The following IFITM5 variants were observed in gnomAD, a reference collection of about 807,000 sequenced individuals.
IFITM5 encodes interferon-induced transmembrane protein 5.
Under a neutral mutation model 9.2 loss-of-function variants are expected in IFITM5, and 10 were observed. The observed-to-expected ratio is 1.09, with a 90% CI of 0.67 to 1.85. The LOEUF (loss-of-function observed/expected upper bound fraction) is 1.85. IFITM5 is among the 40% of genes most tolerant of loss of function. The pLI is 0.00. For synonymous variants in IFITM5, 93 were observed against 86.6 expected (o/e 1.07, Z -0.41); for missense variants, 225 against 182.6 (o/e 1.23, Z -1.34).
intron 1 of IFITM5, 71 bp downstream of exon 1, chr11:299,234 C>T: frequency 1.1e-6 from 1 of 945,904 alleles, no homozygotes. Context: ...AGCTCCCCAT[C>T]CCTCCCCCTT....
At chr11:298,754 C>T (rs756231523) in intron 1 of IFITM5, 41 bp from the exon 2 acceptor site, 12 of 1,575,224 alleles carry the variant, frequency 7.6e-6, no homozygotes, top group Middle Eastern at 1.7e-4. Flanking sequence ...CTCTATGTGT[C>T]CTCGGGGCCT....
Position 298,413 on chromosome 11 carries a change from AG to A in IFITM5, c.*87del. The A allele has an allele frequency of 1.4e-6, 2 of 1,405,090 alleles. No homozygotes were observed. The highest frequency in any genetic ancestry group is 1.9e-6 in the Non-Finnish European group (2 of 1,031,016). The allele number at this position is 1,405,090 out of a possible 1,614,324, so 87.0% of individuals were successfully genotyped here. A position where few individuals can be genotyped will look rare whatever the true frequency, so the allele number is the denominator to read the frequency against. On this transcript the variant is annotated 3_prime_UTR_variant, in exon 2 of 2. Coordinates refer to ENST00000382614, the MANE Select transcript of IFITM5 (RefSeq NM_001025295.3). Reference sequence around the variant, plus strand: ...ATGGAGGCCCCACAGAAGGAGGGCCAGGCTCCGGGGAGTCAGTATTGGGCCC... The same window carrying A: ...ATGGAGGCCCCACAGAAGGAGGGCCAGCTCCGGGGAGTCAGTATTGGGCCC...
rs1441356451 is a variant in IFITM5, at chr11:299,342, C to T, written c.149G>A (p.Cys50Tyr). Reference sequence around the variant, plus strand: ...GGCCAGCGCCAGGAAGCCGAGGCAACACAGATTCAGGTAGAGGGTGCTGAA... The same window carrying T: ...GGCCAGCGCCAGGAAGCCGAGGCAATACAGATTCAGGTAGAGGGTGCTGAA... Reference protein sequence around the residue: ...SVFSTLYLNLCCLGFLALAYS... With the variant: ...SVFSTLYLNLYCLGFLALAYS... The change falls in exon 1 of 2, where the codon TGT becomes TAT. Residue 50 changes from cysteine to tyrosine, a missense_variant. Physicochemically the swap from Cys to Tyr is radical, Grantham distance 194. Coordinates refer to ENST00000382614, the MANE Select transcript of IFITM5 (RefSeq NM_001025295.3). The T allele has an allele frequency of 7.5e-6, 12 of 1,603,500 alleles. No individual in the cohort carries two copies. The highest frequency in any genetic ancestry group is 1.0e-5 in the Non-Finnish European group (12 of 1,175,292).
At chr11:299,109 G>A (rs895301722) in intron 1 of IFITM5, among the ~76,000 whole-genome samples, 196 bp downstream of exon 1, 3 of 137,820 alleles carry the variant, frequency 2.2e-5, no homozygotes, top group South Asian at 2.3e-4. Flanking sequence ...GAGGCCCCCC[G>A]GCCTTGCCTT....
At position 298,634 on chromosome 11, in the gene IFITM5, G is replaced by A. The variant is rs746430875; in HGVS notation, c.266C>T (p.Ala89Val). Residue 89 changes from alanine (A) to valine (V), a missense_variant, in exon 2 of 2, where the codon GCC (alanine) becomes GTC (valine). By Grantham distance (64) the Ala-to-Val change is moderately conservative. Transcript: ENST00000382614. The part of the protein sequence containing the change: ...GSKAKCYNIL[A>V]AMWTLVPPLL... ...TGGCGGCACCAGCGTCCACATCGCG[G>A]CCAGGATGTTGTAGCACTTGGCTTT... is the stretch of plus-strand genomic sequence containing the variant. 6.2e-7 allele frequency: 1 copy of A among 1,613,622 alleles called. No homozygotes were observed. Among genetic ancestry groups the A allele is most frequent in the Non-Finnish European group, 8.5e-7 (1 of 1,180,010 alleles).
Position 299,429 on chromosome 11 carries a change from TG to T in IFITM5, c.61del (p.His21ThrfsTer17). 1 of 1,547,526 alleles carries T rather than the reference TG, an allele frequency of 6.5e-7. No homozygotes were observed. Among genetic ancestry groups the T allele is most frequent in the South Asian group, 1.2e-5 (1 of 82,740 alleles). On this transcript the variant is annotated frameshift_variant, in exon 1 of 2. Coordinates refer to ENST00000382614, the MANE Select transcript of IFITM5 (RefSeq NM_001025295.3). LOFTEE classifies it high-confidence loss of function. The part of the protein sequence containing the change: ...RAPTPSKAGA[H>X]TALTLGAPHP... ...CGGGGCCCCCAGTGTGAGGGCTGTG[TG>T]GGCACCGGCCTTGCTGGGCGTGGGG...
At chr11:298,746 C>A in intron 1 of IFITM5, 33 bp from the exon 2 acceptor site, 1 of 1,594,580 alleles carries the variant, frequency 6.3e-7, no homozygotes, top group South Asian at 1.1e-5. Context: ...GGCCAGATCT[C>A]TATGTGTCCT....
Position 298,617 on chromosome 11 carries a change from C to G in IFITM5, c.283G>C (p.Val95Leu), listed in dbSNP as rs750428287. The change falls in exon 2 of 2, where the codon GTG becomes CTG. Residue 95 changes from valine (V) to leucine (L), a missense_variant. By Grantham distance (32) the Val-to-Leu change is conservative (BLOSUM62 1). Coordinates refer to ENST00000382614, the MANE Select transcript of IFITM5 (RefSeq NM_001025295.3). Reference sequence around the variant, plus strand: ...AGCCCCAGGAGCAGCAGTGGCGGCACCAGCGTCCACATCGCGGCCAGGATG... The same window carrying G: ...AGCCCCAGGAGCAGCAGTGGCGGCAGCAGCGTCCACATCGCGGCCAGGATG... ...YNILAAMWTLVPPLLLLGLVV... is the reference protein window; with the variant it reads ...YNILAAMWTLLPPLLLLGLVV... 5 of 1,613,548 alleles carry G rather than the reference C, an allele frequency of 3.1e-6. No homozygotes were observed. In the Admixed American group the frequency reaches 8.3e-5, roughly 27 times the overall value.
chr11:298,564 G>A lies in IFITM5; in HGVS notation c.336C>T (p.Ala112=). ...AGGCGGCAGAGTCCTTGGCCAGCCG[G>A]GCCAGGTGCAGGGCACCAGTCACCA... is the stretch of plus-strand genomic sequence containing the variant. The part of the protein sequence containing the change: ...GLVVTGALHL[A]RLAKDSAAFF... The change falls in exon 2 of 2, where the codon GCC becomes GCT. Residue 112 remains alanine, a synonymous_variant. Coordinates refer to ENST00000382614, the MANE Select transcript of IFITM5 (RefSeq NM_001025295.3). 3.1e-6 allele frequency: 5 copies of A among 1,613,304 alleles called. No individual in the cohort carries two copies. The highest frequency in any genetic ancestry group is 4.2e-6 in the Non-Finnish European group (5 of 1,179,978).
chr11:299,192 G>C (rs974652853), intron 1 of IFITM5, 113 bp downstream of exon 1: 1 of 782,038 alleles, frequency 1.3e-6, no homozygotes. Flanking sequence ...AGAGCCCCCC[G>C]CGGCCCCCAG....
In IFITM5 at chr11:298,484, G is replaced by C. The variant is rs966201796; in HGVS notation, c.*17C>G. On this transcript the variant is annotated 3_prime_UTR_variant, in exon 2 of 2. Transcript: ENST00000382614. ...TCAGTGTCCTGGGGCTAGTGCCCCA[G>C]ATCAGGACCCAGCCTGTCAGTCATA... is the stretch of plus-strand genomic sequence containing the variant. The C allele has an allele frequency of 6.2e-7, 1 of 1,605,884 alleles. No individual in the cohort carries two copies. Among genetic ancestry groups the C allele is most frequent in the African/African-American group, 1.3e-5 (1 of 74,806 alleles).
Position 299,319 on chromosome 11 carries a change from C to T in IFITM5, c.172G>A (p.Ala58Thr). ...NLCCLGFLAL[A>T]YSIKARDQKV... is the part of the protein sequence containing the mutation. ...CCCCTGCCCACCTTGATGGAGTAGG[C>T]CAGCGCCAGGAAGCCGAGGCAACAC... The change falls in exon 1 of 2, where the codon GCC becomes ACC. Residue 58 changes from alanine (A) to threonine (T), a missense_variant. Coordinates refer to ENST00000382614, the MANE Select transcript of IFITM5 (RefSeq NM_001025295.3). 6.3e-7 allele frequency: 1 copy of T among 1,598,314 alleles called. No individual in the cohort carries two copies. Among genetic ancestry groups the T allele is most frequent in the South Asian group, 1.1e-5 (1 of 88,950 alleles).
intron 1 of IFITM5, 70 bp downstream of exon 1, chr11:299,235 C>T: frequency 7.7e-7 from 1 of 1,292,198 alleles, no homozygotes; most frequent in Admixed American, 2.6e-5. Context: ...GCTCCCCATC[C>T]CTCCCCCTTC....
intron 1 of IFITM5, 78 bp downstream of exon 1, chr11:299,227 T>C: frequency 3.5e-6 from 3 of 868,600 alleles, no homozygotes; most frequent in Non-Finnish European, 3.3e-6. Context: ...CCCACGGAGC[T>C]CCCCATCCCT....
chr11:298,772 C>G, intron 1 of IFITM5, 59 bp from the exon 2 acceptor site: 12 of 1,504,170 alleles, frequency 8.0e-6, no homozygotes, highest in Non-Finnish European at 1.0e-5. Flanking sequence ...CCTGGGGGCC[C>G]TTCCCCACCC....
chr11:298,313 C>G lies in IFITM5; in HGVS notation c.*188G>C. The G allele has an allele frequency of 1.6e-6, 1 of 631,018 alleles. No homozygotes were observed. Among genetic ancestry groups the G allele is most frequent in the South Asian group, 2.0e-5 (1 of 51,138 alleles). 39.1% of individuals were successfully genotyped at this position (631,018 alleles called of 1,614,324 possible). On this transcript the variant is annotated 3_prime_UTR_variant, in exon 2 of 2. Transcript: ENST00000382614. ...GGGAACTCTCGGGTTAGGGTGAAGACCCCGGGGTCTGACTGGTTCAGCCTT... is the reference window on the plus strand; with the variant it reads ...GGGAACTCTCGGGTTAGGGTGAAGAGCCCGGGGTCTGACTGGTTCAGCCTT...
In IFITM5 at chr11:298,728, G is replaced by A. The variant is rs200872938; in HGVS notation, c.187-15C>T. The A allele has an allele frequency of 3.2e-5, 51 of 1,610,954 alleles. 1 individual carries two copies. The highest frequency in any genetic ancestry group is 8.8e-5 in the South Asian group (8 of 90,826). ...TGATCTCGGGCCTGCAGAGAGACCA[G>A]ACCACAGGGCCAGATCTCTATGTGT... On this transcript the variant is annotated splice_polypyrimidine_tract_variant and intron_variant, in intron 1 of 1. Transcript: ENST00000382614.
chr11:298,831 A>G, intron 1 of IFITM5, 118 bp from the exon 2 acceptor site: 1 of 996,022 alleles, frequency 1.0e-6, no homozygotes, highest in African/African-American at 1.6e-5. Context: ...ATCTGGATGG[A>G]GGGGTGTGGC....
intron 1 of IFITM5, among the ~76,000 whole-genome samples, chr11:299,056 C>A (rs559748711): frequency 6.6e-6 from 1 of 152,280 alleles, no homozygotes; most frequent in Admixed American, 6.5e-5. Flanking sequence ...GGGTGCCTCC[C>A]AATGGCCTCT....
Sources: allele counts gnomAD v4.1 joint callset (sites outside exome capture counted in the v4.1 genomes callset), GRCh38; gene constraint gnomAD v4.1.1; transcripts MANE v1.5; gene names NCBI Gene and HGNC (gene_info 2026-07-23, HGNC 2026-07-21).